LYPD6: variants seen among roughly 807,000 people sequenced by gnomAD.
LYPD6 encodes the protein LY6/PLAUR domain containing 6.
LYPD6 carries 15 observed loss-of-function variants against 22.7 expected under a neutral mutation model. That is an observed-to-expected ratio of 0.66 (90% CI 0.44 to 1.02). The LOEUF is 1.02. Ranked by LOEUF, LYPD6 falls within the 50% of genes least tolerant of loss-of-function variation. LYPD6 has a pLI of 0.00. For synonymous variants in LYPD6, 72 were observed against 77.5 expected (o/e 0.93, Z 0.37); for missense variants, 189 against 208.4 (o/e 0.91, Z 0.57).
In LYPD6 at chr2:149,399,707, A is replaced by C. The variant is rs538747677; in HGVS notation, c.-71-37931A>C. ...TAAATAATAAATTATAAAATAAAAT[A>C]TATAAATTATAAGTATATGGATAAA... On this transcript the variant is annotated intron_variant, in intron 1 of 4. Transcript: ENST00000334166. Among the ~76,000 whole-genome samples the C allele has an allele frequency of 1.2e-3, 158 of 130,720 alleles. 1 individual carries two copies. Among genetic ancestry groups the C allele is most frequent in the South Asian group, 3.3e-3 (15 of 4,498 alleles). 85.8% of individuals were successfully genotyped at this position (130,720 alleles called of 152,430 possible). A position where few individuals can be genotyped will look rare whatever the true frequency, so the allele number is the denominator to read the frequency against.
chr2:149,449,968 A>G (rs1683771732), intron 3 of LYPD6, among the ~76,000 whole-genome samples: 1 of 151,928 alleles, frequency 6.6e-6, no homozygotes, highest in African/African-American at 2.4e-5. Context: ...AGTATTATAT[A>G]AGAGTTCTCA....
At chr2:149,479,312 A>G in the LYPD6 span, among the ~76,000 whole-genome samples, 1 of 152,120 alleles carries the variant, frequency 6.6e-6, no homozygotes, top group Non-Finnish European at 1.5e-5. Context: ...TCCCCATTCT[A>G]TAATCTTTCC....
At chr2:149,354,261 G>T (rs1019750978) in intron 1 of LYPD6, among the ~76,000 whole-genome samples, 12 of 152,158 alleles carry the variant, frequency 7.9e-5, no homozygotes, top group Non-Finnish European at 8.8e-5. Flanking sequence ...AGGCTGGAGT[G>T]CAGTGTCACG....
In LYPD6 at chr2:149,471,026, T is replaced by C; in HGVS notation, c.*176T>C. On this transcript the variant is annotated 3_prime_UTR_variant, in exon 5 of 5. Transcript: ENST00000334166. ...AATAAATGTTGCTTCATTGTAGCCATTTTGAGTCTAACCGAGACTCATCAA... is the reference window on the plus strand; with the variant it reads ...AATAAATGTTGCTTCATTGTAGCCACTTTGAGTCTAACCGAGACTCATCAA... The C allele has an allele frequency of 1.8e-6, 1 of 551,576 alleles. No homozygotes were observed. The highest frequency in any genetic ancestry group is 3.2e-6 in the Non-Finnish European group (1 of 316,106). 34.2% of individuals were successfully genotyped at this position (551,576 alleles called of 1,614,324 possible).
chr2:149,416,422 G>A (rs1043059276), intron 1 of LYPD6, among the ~76,000 whole-genome samples: 6 of 152,088 alleles, frequency 3.9e-5, no homozygotes, highest in South Asian at 2.1e-4. Flanking sequence ...GGGTTGCCTC[G>A]GTTTCATATG....
rs564658011 is a variant in LYPD6 at position 149,355,559 on chromosome 2, G to A, written c.-72+24837G>A. 1.1e-3 allele frequency among the ~76,000 whole-genome samples: 170 copies of A among 152,208 alleles called. 1 individual carries two copies. The highest frequency in any genetic ancestry group is 3.4e-3 in the African/African-American group (140 of 41,540). ...AGAGGAGATGTTGGCTTTAAGACCC[G>A]ATAGTCATAAACCTACATACATATA... On this transcript the variant is annotated intron_variant, in intron 1 of 4. Transcript: ENST00000334166.
At chr2:149,456,928 A>G (rs1157138930) in intron 3 of LYPD6, among the ~76,000 whole-genome samples, 1 of 152,146 alleles carries the variant, frequency 6.6e-6, no homozygotes, top group Non-Finnish European at 1.5e-5. Context: ...TTCACTCAAT[A>G]TTATGTGAGA....
At chr2:149,401,847 T>G (rs975270371) in intron 1 of LYPD6, among the ~76,000 whole-genome samples, 3 of 152,042 alleles carry the variant, frequency 2.0e-5, no homozygotes, top group Non-Finnish European at 2.9e-5. Context: ...TGCATAGTCT[T>G]TTATCCCTTG....
At chr2:149,468,619 C>G in intron 3 of LYPD6, 26 bp from the exon 4 acceptor site, 1 of 1,605,982 alleles carries the variant, frequency 6.2e-7, no homozygotes, top group South Asian at 1.1e-5. Flanking sequence ...CATTTCCCAT[C>G]TCAAATATAT....
chr2:149,444,091 G>A (rs1235738741), intron 2 of LYPD6, among the ~76,000 whole-genome samples: 2 of 151,880 alleles, frequency 1.3e-5, no homozygotes, highest in African/African-American at 2.4e-5. Context: ...GCGCCACCAC[G>A]CCTGGCTAAT....
chr2:149,453,603 G>A (rs1680883800), intron 3 of LYPD6, among the ~76,000 whole-genome samples: 1 of 152,216 alleles, frequency 6.6e-6, no homozygotes, highest in Non-Finnish European at 1.5e-5. Context: ...GAAAAAGCTG[G>A]ACATATCCCT....
At chr2:149,396,121 A>G (rs996819270) in intron 1 of LYPD6, among the ~76,000 whole-genome samples, 1 of 152,214 alleles carries the variant, frequency 6.6e-6, no homozygotes, top group Middle Eastern at 3.2e-3. Flanking sequence ...GTTTAATGAT[A>G]TGGACTTAGG....
intron 1 of LYPD6, among the ~76,000 whole-genome samples, chr2:149,349,611 A>G (rs573099928): frequency 6.6e-6 from 1 of 152,354 alleles, no homozygotes; most frequent in South Asian, 2.1e-4. Flanking sequence ...TATGCAAATG[A>G]TAAAGAGACT....
At chr2:149,414,438 G>A (rs535674436) in intron 1 of LYPD6, among the ~76,000 whole-genome samples, 56 of 152,136 alleles carry the variant, frequency 3.7e-4, no homozygotes, top group Admixed American at 1.6e-3. Context: ...TTAAATTTGC[G>A]TTATATTTTT....
chr2:149,482,296 T>C, the LYPD6 span, among the ~76,000 whole-genome samples: 1 of 152,200 alleles, frequency 6.6e-6, no homozygotes, highest in South Asian at 2.1e-4. Context: ...TCCTTACCCC[T>C]TAATACTTCA....
At chr2:149,377,185 CTT>C (rs1336974226) in intron 1 of LYPD6, among the ~76,000 whole-genome samples, 1 of 150,766 alleles carries the variant, frequency 6.6e-6, no homozygotes, top group Non-Finnish European at 1.5e-5. Context: ...GTAGATGACT[CTT>C]TTCTTTCTTT....
chr2:149,446,877 C>T (rs1192646193), intron 2 of LYPD6, among the ~76,000 whole-genome samples: 1 of 152,166 alleles, frequency 6.6e-6, no homozygotes, highest in African/African-American at 2.4e-5. Context: ...AAAGTGATAT[C>T]TGGTCCATCA....
chr2:149,369,963 CAA>C (rs1681769310), intron 1 of LYPD6, among the ~76,000 whole-genome samples: 1 of 151,930 alleles, frequency 6.6e-6, no homozygotes, highest in Non-Finnish European at 1.5e-5. Context: ...CCCGAGAAAT[CAA>C]GAGGGAACAG....
At chr2:149,375,038 C>A (rs555724519) in intron 1 of LYPD6, among the ~76,000 whole-genome samples, 12 of 152,206 alleles carry the variant, frequency 7.9e-5, no homozygotes, top group African/African-American at 2.9e-4. Flanking sequence ...CTTCAAGGAT[C>A]TAGAGAGACT....
Sources: gnomAD v4.1 joint callset for allele counts (sites outside exome capture counted in the v4.1 genomes callset) on GRCh38, gnomAD v4.1.1 for gene constraint, MANE v1.5 for transcripts, NCBI Gene and HGNC (gene_info 2026-07-23, HGNC 2026-07-21) for gene names.